The following KIFC3 variants were observed in gnomAD, a reference collection of about 807,000 sequenced individuals.
KIFC3 encodes the protein kinesin-like protein KIFC3.
KIFC3 carries 60 observed loss-of-function variants against 101.8 expected under a neutral mutation model. That is an observed-to-expected ratio of 0.59 (90% CI 0.48 to 0.73). The LOEUF (loss-of-function observed/expected upper bound fraction) is 0.73, where lower values mean the gene tolerates loss of function less well. Among genes scored for constraint, KIFC3 ranks in the 30% least tolerant of loss-of-function variants. KIFC3 has a pLI of 0.00. For synonymous variants in KIFC3, 476 were observed against 482.7 expected (o/e 0.99, Z 0.18); for missense variants, 966 against 1,137.1 (o/e 0.85, Z 2.16).
intron 1 of KIFC3, among the ~76,000 whole-genome samples, chr16:57,854,488 C>T (rs2056123333): frequency 6.6e-6 from 1 of 152,080 alleles, no homozygotes. Context: ...ATTAGCCAGC[C>T]ATGGTGGCAT....
intron 1 of KIFC3, among the ~76,000 whole-genome samples, chr16:57,844,107 CA>C (rs374892919): frequency 0.016 from 2,233 of 136,828 alleles, 59 homozygotes; most frequent in African/African-American, 0.056. Context: ...GAATCCATCT[CA>C]AAAAAAAAAA....
At chr16:57,850,040 G>A (rs904029155) in intron 1 of KIFC3, among the ~76,000 whole-genome samples, 16 of 152,084 alleles carry the variant, frequency 1.1e-4, no homozygotes, top group Non-Finnish European at 2.2e-4. Context: ...GCTGTAGTGA[G>A]CTATAATCGT....
chr16:57,786,066 T>C (rs2053284773), intron 3 of KIFC3, among the ~76,000 whole-genome samples: 1 of 152,100 alleles, frequency 6.6e-6, no homozygotes, highest in East Asian at 1.9e-4. Flanking sequence ...TTTCTTTAAG[T>C]CTCAAACCCT....
intron 1 of KIFC3, among the ~76,000 whole-genome samples, chr16:57,811,716 GA>G (rs2149259807): frequency 6.6e-6 from 1 of 152,186 alleles, no homozygotes; most frequent in Non-Finnish European, 1.5e-5. Flanking sequence ...AGGAGTTCGA[GA>G]CCAGCCTGGC....
At position 57,758,355 on chromosome 16, in the gene KIFC3, G is replaced by A. The variant is rs868984039; in HGVS notation, c.*579C>T. 1.1e-5 allele frequency: 3 copies of A among 273,362 alleles called. No individual in the cohort carries two copies. The highest frequency in any genetic ancestry group is 1.4e-3 in the Middle Eastern group (1 of 730). The allele number at this position is 273,362 out of a possible 1,614,324, so 16.9% of individuals were successfully genotyped here. ...GAGCGAGCAGCAGAATCCCCCACCC[G>A]CTGGCTGCCTCTGCCAGCCATAAAC... On this transcript the variant is annotated 3_prime_UTR_variant, in exon 20 of 20. Transcript: ENST00000445690.
chr16:57,839,025 G>A (rs528308857), intron 1 of KIFC3, among the ~76,000 whole-genome samples: 37 of 152,228 alleles, frequency 2.4e-4, no homozygotes, highest in African/African-American at 8.4e-4. Flanking sequence ...ATAGCATTCT[G>A]TTGAAGAACC....
At chr16:57,861,955 ATAATAG>A (rs1323861906) in intron 1 of KIFC3, among the ~76,000 whole-genome samples, 3 of 152,082 alleles carry the variant, frequency 2.0e-5, no homozygotes, top group African/African-American at 4.8e-5. Flanking sequence ...CCTCAAAATA[ATAATAG>A]TAATAATAAT....
intron 3 of KIFC3, chr16:57,788,835 T>A: frequency 4.4e-6 from 4 of 904,840 alleles, no homozygotes; most frequent in Non-Finnish European, 5.9e-6. Context: ...GTCCAGTCCC[T>A]CCCTTTGTGG....
At chr16:57,781,509 G>T (rs1163562050) in intron 3 of KIFC3, among the ~76,000 whole-genome samples, 1 of 152,202 alleles carries the variant, frequency 6.6e-6, no homozygotes, top group Non-Finnish European at 1.5e-5. Context: ...GTGGTCACCA[G>T]ACCAAGATGA....
intron 1 of KIFC3, among the ~76,000 whole-genome samples, chr16:57,808,586 A>AAG (rs374744837): frequency 6.6e-6 from 1 of 151,728 alleles, no homozygotes; most frequent in African/African-American, 2.4e-5. Flanking sequence ...AATAGAAACC[A>AAG]AGAGAGAGAG....
intron 3 of KIFC3, among the ~76,000 whole-genome samples, chr16:57,792,401 T>G (rs1465434877): frequency 2.0e-5 from 3 of 152,234 alleles, no homozygotes; most frequent in Non-Finnish European, 4.4e-5. Context: ...ACTGGCACAT[T>G]CTAAATAATC....
Position 57,760,379 on chromosome 16 carries a change from T to C in KIFC3, c.2270A>G (p.Tyr757Cys), listed in dbSNP as rs782629819. 1.2e-5 allele frequency: 19 copies of C among 1,613,824 alleles called. No individual in the cohort carries two copies. In the African/African-American group the frequency reaches 1.3e-4, roughly 11 times the overall value. Residue 757 changes from tyrosine to cysteine, a missense_variant, in exon 17 of 20, where the codon TAT (tyrosine) becomes TGT (cysteine). Around this residue, in one of 2 missense-constraint regions of KIFC3, gnomAD observed 689 missense variants for 884.6 expected, o/e 0.78. Transcript: ENST00000445690. ...CACCCTCTCAGCAAACTTGAGGGAA[T>C]AGAGCGTCTCGCTAGTGTTCTTCTC... is the stretch of plus-strand genomic sequence containing the variant. ...PVEKNTSETL[Y>C]SLKFAERVRS...
At position 57,801,504 on chromosome 16, in the gene KIFC3, ACT is replaced by A. The variant is rs199562393; in HGVS notation, c.-40+864_-40+865del. 3.4e-3 allele frequency among the ~76,000 whole-genome samples: 520 copies of A among 152,066 alleles called. 3 individuals carry two copies. The highest frequency in any genetic ancestry group is 0.012 in the African/African-American group (495 of 41,464). On this transcript the variant is annotated intron_variant, in intron 1 of 19. Transcript: ENST00000445690. ...TCTGAGACTGCATTCCTAGCAAATGACTCTCCCTGGTCAAGGAGACGGCTACT... is the reference window on the plus strand; with the variant it reads ...TCTGAGACTGCATTCCTAGCAAATGACTCCCTGGTCAAGGAGACGGCTACT...
intron 9 of KIFC3, among the ~76,000 whole-genome samples, chr16:57,768,101 G>A (rs559315816): frequency 2.6e-5 from 4 of 152,248 alleles, no homozygotes; most frequent in Admixed American, 1.3e-4. Context: ...GGAGGTGGGC[G>A]GATCACCTGA....
chr16:57,774,100 CACAA>C (rs1226989896), intron 3 of KIFC3: 10 of 152,286 alleles, frequency 6.6e-5, no homozygotes, highest in African/African-American at 2.2e-4. Flanking sequence ...CCGCCACCTG[CACAA>C]ACACATTCCT....
chr16:57,788,747 G>T, intron 3 of KIFC3: 1 of 1,288,076 alleles, frequency 7.8e-7, no homozygotes, highest in Non-Finnish European at 1.0e-6. Context: ...TCACGTGAAG[G>T]AGACTGTGCC....
chr16:57,772,254 G>C lies in KIFC3; in HGVS notation c.350C>G (p.Ala117Gly). The change falls in exon 4 of 20, where the codon GCC becomes GGC. Residue 117 changes from alanine to glycine, a missense_variant. Physicochemically the swap from Ala to Gly is moderately conservative, Grantham distance 60 (BLOSUM62 0). Around this residue, in one of 2 missense-constraint regions of KIFC3, gnomAD observed 277 missense variants for 252.5 expected, o/e 1.10. Transcript: ENST00000445690. ...AGATCGCAGTCGGCTCACTTCCTGG[G>C]CCTGGCTAATGAGCTTCTCCTTCAG... Reference protein sequence around the residue: ...EHLKEKLISQAQEVSRLRSEL... With the variant: ...EHLKEKLISQGQEVSRLRSEL... 1 of 1,613,832 alleles carries C rather than the reference G, an allele frequency of 6.2e-7. No homozygotes were observed. Among genetic ancestry groups the C allele is most frequent in the South Asian group, 1.1e-5 (1 of 91,080 alleles).
At chr16:57,782,588 C>G (rs1027729088) in intron 3 of KIFC3, among the ~76,000 whole-genome samples, 2 of 152,328 alleles carry the variant, frequency 1.3e-5, no homozygotes, top group Middle Eastern at 3.4e-3. Flanking sequence ...CAGAGTATCT[C>G]AGAGACCTGG....
At chr16:57,825,745 T>G (rs2055445453) in intron 1 of KIFC3, among the ~76,000 whole-genome samples, 2 of 152,234 alleles carry the variant, frequency 1.3e-5, no homozygotes, top group Admixed American at 6.5e-5. Flanking sequence ...TGACATGATC[T>G]CAGCTCACTG....
Sources: allele counts gnomAD v4.1 joint callset (sites outside exome capture counted in the v4.1 genomes callset), GRCh38; gene constraint gnomAD v4.1.1; regional missense constraint gnomAD v4.1.1; transcripts MANE v1.5; gene names NCBI Gene and HGNC (gene_info 2026-07-23, HGNC 2026-07-21).